Variants in EDEM1 observed in about 807,000 individuals in gnomAD.
EDEM1 encodes ER degradation-enhancing alpha-mannosidase-like protein 1.
A neutral mutation model predicts 74.4 loss-of-function variants in EDEM1; 67 were observed. The ratio of observed to expected loss-of-function variants is 0.90; its 90% CI spans 0.74 to 1.10. EDEM1 has a LOEUF of 1.10. Ranked by LOEUF, EDEM1 falls within the 50% of genes least tolerant of loss-of-function variation. The probability of loss-of-function intolerance (pLI) is 0.00; values close to 1 mark genes in which losing one functional copy is unlikely to be tolerated. For synonymous variants in EDEM1, 382 were observed against 335.9 expected (o/e 1.14, Z -1.50); for missense variants, 926 against 851.6 (o/e 1.09, Z -1.09).
chr3:5,200,076 C>T (rs1352889050), intron 3 of EDEM1, among the ~76,000 whole-genome samples: 4 of 151,956 alleles, frequency 2.6e-5, no homozygotes, highest in African/African-American at 9.7e-5. Context: ...GCTGGGATTA[C>T]AGGCACTCAC....
intron 4 of EDEM1, 53 bp downstream of exon 4, chr3:5,201,977 T>G: frequency 7.7e-6 from 12 of 1,553,624 alleles, no homozygotes; most frequent in Non-Finnish European, 1.0e-5. Context: ...TCTTCCTGAA[T>G]TAAAATTCTT....
intron 3 of EDEM1, 78 bp from the exon 4 acceptor site, chr3:5,201,675 C>G: frequency 1.3e-6 from 2 of 1,554,522 alleles, no homozygotes; most frequent in South Asian, 2.2e-5. Context: ...TATGAACATA[C>G]TTCTATCTTT....
rs1020046888 is a variant in EDEM1 at position 5,188,136 on chromosome 3, C to G, written c.331C>G (p.Pro111Ala). ...GYVLGGRGRG[P>A]DEYEKRYSGA... Reference sequence around the variant, plus strand: ...CGTGCTGGGCGGCCGGGGCCGCGGCCCGGACGAGTACGAGAAGCGCTACAG... The same window carrying G: ...CGTGCTGGGCGGCCGGGGCCGCGGCGCGGACGAGTACGAGAAGCGCTACAG... The change falls in exon 1 of 12, where the codon CCG becomes GCG. Residue 111 changes from proline to alanine, a missense_variant. By Grantham distance (27) the Pro-to-Ala change is conservative (BLOSUM62 -1). Transcript: ENST00000256497. 4 of 1,532,536 alleles carry G rather than the reference C, an allele frequency of 2.6e-6. No homozygotes were observed. Among genetic ancestry groups the G allele is most frequent in the African/African-American group, 1.4e-5 (1 of 70,644 alleles). The allele number at this position is 1,532,536 out of a possible 1,614,324, so 94.9% of individuals were successfully genotyped here.
chr3:5,187,877 C>G lies in EDEM1; in HGVS notation c.72C>G (p.Val24=), dbSNP rs771036801. 1 of 1,598,900 alleles carries G rather than the reference C, an allele frequency of 6.3e-7. No individual in the cohort carries two copies. Among genetic ancestry groups the G allele is most frequent in the Non-Finnish European group, 8.5e-7 (1 of 1,174,546 alleles). Reference sequence around the variant, plus strand: ...GCCTCCATGGAGTATTGTGGCTCGTCTTCGGGCTGGGGCCCAGCATGGGCT... The same window carrying G: ...GCCTCCATGGAGTATTGTGGCTCGTGTTCGGGCTGGGGCCCAGCATGGGCT... ...RLGLHGVLWL[V]FGLGPSMGFY... Residue 24 remains valine, a synonymous_variant, in exon 1 of 12, where the codon GTC becomes GTG. Coordinates refer to ENST00000256497, the MANE Select transcript of EDEM1 (RefSeq NM_014674.3).
intron 8 of EDEM1, 30 bp from the exon 9 acceptor site, chr3:5,210,145 C>G (rs1173685681): frequency 1.9e-6 from 3 of 1,593,680 alleles, no homozygotes; most frequent in Non-Finnish European, 2.6e-6. Context: ...CAAGCCCATG[C>G]TGGATCACAT....
In EDEM1 at chr3:5,215,813, GT is replaced by G; in HGVS notation, c.1885-11del. 6.2e-7 allele frequency: 1 copy of G among 1,610,390 alleles called. No homozygotes were observed. The highest frequency in any genetic ancestry group is 1.7e-5 in the Admixed American group (1 of 59,842). ...ACATATGAGTTTTTAATTTTCCCTC[GT>G]TTTTGTCTTTCTAGTGCAATCGTGT... On this transcript the variant is annotated splice_polypyrimidine_tract_variant and intron_variant, in intron 11 of 11. Coordinates refer to ENST00000256497, the MANE Select transcript of EDEM1 (RefSeq NM_014674.3).
intron 1 of EDEM1, among the ~76,000 whole-genome samples, chr3:5,188,883 C>T (rs1360403128): frequency 6.6e-6 from 1 of 152,170 alleles, no homozygotes; most frequent in Non-Finnish European, 1.5e-5. Flanking sequence ...GCTTCTTAGG[C>T]TGAGGATAGT....
At chr3:5,194,775 G>A (rs2054942832) in intron 1 of EDEM1, among the ~76,000 whole-genome samples, 1 of 152,216 alleles carries the variant, frequency 6.6e-6, no homozygotes, top group Non-Finnish European at 1.5e-5. Flanking sequence ...TTCTTTTTGT[G>A]TGTAATATAG....
rs751426633 is a variant in EDEM1, at chr3:5,201,719, G to A, written c.687-34G>A. On this transcript the variant is annotated intron_variant, in intron 3 of 11. Coordinates refer to ENST00000256497, the MANE Select transcript of EDEM1 (RefSeq NM_014674.3). ...GATTATGTGCATTTACAAGCAACACGATTGTATTATCTTTTTGTTCTTCCT... is the reference window on the plus strand; with the variant it reads ...GATTATGTGCATTTACAAGCAACACAATTGTATTATCTTTTTGTTCTTCCT... 35 of 1,612,022 alleles carry A rather than the reference G, an allele frequency of 2.2e-5. 1 individual carries two copies. In the South Asian group the frequency reaches 2.6e-4, roughly 12 times the overall value.
chr3:5,193,555 C>G lies in EDEM1; in HGVS notation c.510-1654C>G, dbSNP rs2054926241. Among the ~76,000 whole-genome samples, 3 of 152,060 alleles carry G rather than the reference C, an allele frequency of 2.0e-5. No homozygotes were observed. In the South Asian group the frequency reaches 6.2e-4, roughly 32 times the overall value. On this transcript the variant is annotated intron_variant, in intron 1 of 11. Transcript: ENST00000256497. The stretch of plus-strand genomic sequence containing the variant: ...AAATGAGCTAGCCCTAGTTCCTAGA[C>G]TATAGCCCCCATATATATCTCGTTT...
rs1442606228 is a variant in EDEM1 at position 5,208,087 on chromosome 3, C to T, written c.1339-6C>T. ...CTCAGCCTGATGACCTGTGTCCTCT[C>T]CTTAGGTGCTGATAGGAGATGTGGA... is the stretch of plus-strand genomic sequence containing the variant. On this transcript the variant is annotated splice_polypyrimidine_tract_variant and splice_region_variant and intron_variant, in intron 7 of 11. Transcript: ENST00000256497. 6.3e-7 allele frequency: 1 copy of T among 1,597,992 alleles called. No individual in the cohort carries two copies. Among genetic ancestry groups the T allele is most frequent in the Admixed American group, 1.8e-5 (1 of 54,304 alleles).
intron 2 of EDEM1, among the ~76,000 whole-genome samples, chr3:5,198,946 C>T (rs112404730): frequency 0.013 from 2,027 of 152,186 alleles, 51 homozygotes; most frequent in African/African-American, 0.046. Context: ...CTTAGTGTGA[C>T]GTCGTATCTA....
chr3:5,189,856 C>T (rs1160007851), intron 1 of EDEM1, among the ~76,000 whole-genome samples: 1 of 152,222 alleles, frequency 6.6e-6, no homozygotes, highest in African/African-American at 2.4e-5. Flanking sequence ...GCCTGGGCCT[C>T]CCAAAGTGCT....
rs573883162 is a variant in EDEM1 at position 5,198,654 on chromosome 3, G to A, written c.583-938G>A. ...TCCTTGTAGGTAAATTGTAAGGGACGTATATAGCTTTTTTTTTTTTTTTTT... is the reference window on the plus strand; with the variant it reads ...TCCTTGTAGGTAAATTGTAAGGGACATATATAGCTTTTTTTTTTTTTTTTT... On this transcript the variant is annotated intron_variant, in intron 2 of 11. Transcript: ENST00000256497. 1.3e-3 allele frequency among the ~76,000 whole-genome samples: 184 copies of A among 139,846 alleles called. 1 individual carries two copies. Among genetic ancestry groups the A allele is most frequent in the African/African-American group, 4.8e-3 (179 of 37,158 alleles). 91.7% of individuals were successfully genotyped at this position (139,846 alleles called of 152,430 possible).
Position 5,215,872 on chromosome 3 carries a change from A to C in EDEM1, c.1928A>C (p.Lys643Thr). 6.2e-7 allele frequency: 1 copy of C among 1,613,128 alleles called. No individual in the cohort carries two copies. Among genetic ancestry groups the C allele is most frequent in the South Asian group, 1.1e-5 (1 of 90,786 alleles). ...PDERRYSLPL[K>T]SIYMRQIDQM... ...GAGAGGAGGTACTCCCTGCCCTTAA[A>C]GAGCATCTACATGCGACAGATTGAC... The change falls in exon 12 of 12, where the codon AAG (lysine) becomes ACG (threonine). Residue 643 changes from lysine to threonine, a missense_variant. Physicochemically the swap from Lys to Thr is moderately conservative, Grantham distance 78. Coordinates refer to ENST00000256497, the MANE Select transcript of EDEM1 (RefSeq NM_014674.3).
At chr3:5,193,347 A>G (rs553894647) in intron 1 of EDEM1, among the ~76,000 whole-genome samples, 2 of 152,216 alleles carry the variant, frequency 1.3e-5, no homozygotes, top group East Asian at 1.9e-4. Flanking sequence ...CCCTCCTGCA[A>G]CCCTTGCACT....
chr3:5,202,833 C>A, intron 4 of EDEM1, 133 bp from the exon 5 acceptor site: 1 of 684,034 alleles, frequency 1.5e-6, no homozygotes, highest in Non-Finnish European at 2.5e-6. Context: ...TCAGATGTAT[C>A]TTGGAAGGCA....
rs1289790763 is a variant in EDEM1 at position 5,188,004 on chromosome 3, TC to T, written c.201del (p.Pro69ArgfsTer105). ...GCCCGTGGGCCGGCCTGGGGGGGTA[TC>T]CGGGCCGTCGTGGCTGCAGCCGCCG... Reference protein sequence around the residue: ...SGPVGRPGGVSGPSWLQPPGT... With the variant: ...SGPVGRPGGVXGPSWLQPPGT... On this transcript the variant is annotated frameshift_variant, in exon 1 of 12. Coordinates refer to ENST00000256497, the MANE Select transcript of EDEM1 (RefSeq NM_014674.3). LOFTEE classifies it high-confidence loss of function. The T allele has an allele frequency of 1.3e-6, 2 of 1,501,820 alleles. No homozygotes were observed. Among genetic ancestry groups the T allele is most frequent in the Admixed American group, 2.3e-5 (1 of 44,376 alleles). The allele number at this position is 1,501,820 out of a possible 1,614,324, so 93.0% of individuals were successfully genotyped here.
At chr3:5,188,838 C>G (rs944513633) in intron 1 of EDEM1, among the ~76,000 whole-genome samples, 1 of 152,164 alleles carries the variant, frequency 6.6e-6, no homozygotes, top group Non-Finnish European at 1.5e-5. Flanking sequence ...GAGTTTGAGG[C>G]AGAACGGGGT....
Sources: allele counts gnomAD v4.1 joint callset (sites outside exome capture counted in the v4.1 genomes callset), GRCh38; gene constraint gnomAD v4.1.1; transcripts MANE v1.5; gene names NCBI Gene and HGNC (gene_info 2026-07-23, HGNC 2026-07-21).